The following AK8 variants were observed in gnomAD, a reference collection of about 807,000 sequenced individuals.
The protein encoded by AK8 is adenylate kinase 8.
AK8 carries 44 observed loss-of-function variants against 54.6 expected under a neutral mutation model. The observed-to-expected ratio is 0.81, with a 90% CI of 0.63 to 1.04. The LOEUF is 1.04. Among genes scored for constraint, AK8 ranks in the 50% least tolerant of loss-of-function variants. The pLI, the probability that AK8 is intolerant of heterozygous loss-of-function variation, is 0.00. For missense variants in AK8, 555 were observed against 613.6 expected (o/e 0.90, Z 1.01); for synonymous variants, 239 against 245.6 (o/e 0.97, Z 0.25).
intron 9 of AK8, among the ~76,000 whole-genome samples, chr9:132,815,080 G>A (rs979734220): frequency 4.6e-5 from 7 of 152,244 alleles, no homozygotes; most frequent in African/African-American, 1.7e-4. Flanking sequence ...CCAGGGTGCT[G>A]CGGAGGATCA....
chr9:132,833,308 C>T (rs934683404), intron 5 of AK8, among the ~76,000 whole-genome samples: 5 of 152,202 alleles, frequency 3.3e-5, no homozygotes, highest in African/African-American at 7.2e-5. Context: ...TTAATGGCTA[C>T]AAATTCTGGC....
chr9:132,766,640 A>G (rs1198348318), intron 11 of AK8, among the ~76,000 whole-genome samples: 1 of 152,230 alleles, frequency 6.6e-6, no homozygotes, highest in East Asian at 1.9e-4. Context: ...AGAAATAGAA[A>G]AAAAAAACTT....
chr9:132,819,676 A>T (rs963533920), intron 9 of AK8, among the ~76,000 whole-genome samples: 5 of 152,216 alleles, frequency 3.3e-5, no homozygotes, highest in African/African-American at 1.2e-4. Context: ...TCTTATCCTA[A>T]TCGATATTAT....
chr9:132,871,037 G>A (rs1250525036), intron 2 of AK8, among the ~76,000 whole-genome samples: 1 of 152,186 alleles, frequency 6.6e-6, no homozygotes, highest in Admixed American at 6.5e-5. Flanking sequence ...TCTGAGGTCA[G>A]GTGTTTGAGA....
chr9:132,780,104 T>G (rs1220992361), intron 11 of AK8, among the ~76,000 whole-genome samples: 1 of 152,036 alleles, frequency 6.6e-6, no homozygotes, highest in Non-Finnish European at 1.5e-5. Flanking sequence ...GGAAGAAGTG[T>G]CCTCAATGGA....
chr9:132,743,995 G>C (rs556251254), intron 11 of AK8, among the ~76,000 whole-genome samples: 2 of 152,226 alleles, frequency 1.3e-5, no homozygotes, highest in East Asian at 3.8e-4. Flanking sequence ...GATCAGGAGA[G>C]GGACAGTGAA....
chr9:132,854,231 C>T (rs1843087660), intron 5 of AK8, among the ~76,000 whole-genome samples: 2 of 152,152 alleles, frequency 1.3e-5, no homozygotes, highest in Admixed American at 1.3e-4. Context: ...TACATATATA[C>T]ATAAAATAAA....
intron 4 of AK8, among the ~76,000 whole-genome samples, chr9:132,858,878 G>A (rs542139828): frequency 1.3e-5 from 2 of 152,154 alleles, no homozygotes; most frequent in Non-Finnish European, 2.9e-5. Context: ...ACGGAAGGAC[G>A]TGGCAGCAAG....
intron 10 of AK8, among the ~76,000 whole-genome samples, chr9:132,800,073 C>T (rs983935215): frequency 2.0e-5 from 3 of 152,198 alleles, no homozygotes; most frequent in Non-Finnish European, 4.4e-5. Context: ...GCTCGCATCC[C>T]GCCAGGGGCT....
chr9:132,764,164 T>C (rs1378116734), intron 11 of AK8, among the ~76,000 whole-genome samples: 1 of 152,044 alleles, frequency 6.6e-6, no homozygotes, highest in Non-Finnish European at 1.5e-5. Flanking sequence ...TAAAAAATTA[T>C]CTGGGTGTGT....
intron 11 of AK8, among the ~76,000 whole-genome samples, chr9:132,767,158 C>T (rs1424882391): frequency 2.6e-5 from 4 of 152,122 alleles, no homozygotes; most frequent in Admixed American, 6.5e-5. Context: ...AAAGCTTCTG[C>T]ATAGCGAAGG....
At chr9:132,761,266 TTTC>T (rs1838456049) in intron 11 of AK8, among the ~76,000 whole-genome samples, 3 of 146,506 alleles carry the variant, frequency 2.0e-5, no homozygotes, top group African/African-American at 2.6e-5. Flanking sequence ...TTTCTTTTCT[TTTC>T]TTTTTTTTTT....
rs150802795 is a variant in AK8 at position 132,865,287 on chromosome 9, A to C, written c.220-1509T>G. On this transcript the variant is annotated intron_variant, in intron 3 of 12. Coordinates refer to ENST00000298545, the MANE Select transcript of AK8 (RefSeq NM_152572.3). ...TGAGTAGAACAGCTATGCTAACTCCAAAAGTATAGCAGATGCAGGTTAGTT... is the reference window on the plus strand; with the variant it reads ...TGAGTAGAACAGCTATGCTAACTCCCAAAGTATAGCAGATGCAGGTTAGTT... Among the ~76,000 whole-genome samples, 436 of 152,358 alleles carry C rather than the reference A, an allele frequency of 2.9e-3. 6 individuals are homozygous for C. Among genetic ancestry groups the C allele is most frequent in the African/African-American group, 9.7e-3 (402 of 41,588 alleles).
chr9:132,789,030 T>C (rs1839834417), intron 11 of AK8, among the ~76,000 whole-genome samples: 1 of 152,218 alleles, frequency 6.6e-6, no homozygotes, highest in Admixed American at 6.5e-5. Flanking sequence ...GTGCGGTGGC[T>C]CACACCTGTA....
chr9:132,787,745 A>G (rs556275006), intron 11 of AK8, among the ~76,000 whole-genome samples: 1 of 152,308 alleles, frequency 6.6e-6, no homozygotes, highest in South Asian at 2.1e-4. Context: ...ATTGTTGTGT[A>G]CAGGCATAAA....
At chr9:132,772,501 G>A (rs1839027678) in intron 11 of AK8, among the ~76,000 whole-genome samples, 1 of 152,240 alleles carries the variant, frequency 6.6e-6, no homozygotes, top group Admixed American at 6.5e-5. Context: ...AGGATGCAGT[G>A]AGAGGCCTCA....
intron 10 of AK8, among the ~76,000 whole-genome samples, chr9:132,814,278 C>CAAAAAAAAA (rs71376658): frequency 3.1e-5 from 2 of 63,890 alleles, no homozygotes; most frequent in African/African-American, 6.8e-5. Flanking sequence ...TACCCTGTCT[C>CAAAAAAAAA]AAAAAAAAAA....
intron 11 of AK8, among the ~76,000 whole-genome samples, chr9:132,764,400 T>G (rs1221089171): frequency 2.6e-5 from 4 of 151,718 alleles, no homozygotes; most frequent in Non-Finnish European, 5.9e-5. Context: ...CAAAATTAAG[T>G]CAGTTTTTAA....
upstream of AK8, chr9:132,878,859 C>G (rs1303298283): frequency 1.1e-5 from 9 of 838,160 alleles, no homozygotes; most frequent in Middle Eastern, 6.0e-4. This position sits in a 1 kb window ranked among gnomAD's most constrained non-coding sequence, Gnocchi z 4.7. Flanking sequence ...CAATCACGCC[C>G]GCGGCCCCGC....
Sources: allele counts gnomAD v4.1 joint callset (sites outside exome capture counted in the v4.1 genomes callset), GRCh38; gene constraint gnomAD v4.1.1; non-coding constraint Gnocchi (gnomAD v3.1); transcripts MANE v1.5; gene names NCBI Gene and HGNC (gene_info 2026-07-23, HGNC 2026-07-21).